The following ABCG8 variants were observed in gnomAD, a reference collection of about 807,000 sequenced individuals.
The protein encoded by ABCG8 is ATP binding cassette subfamily G member 8.
In ABCG8, 81 loss-of-function variants were observed where a neutral mutation model predicts 71.3. The ratio of observed to expected loss-of-function variants is 1.14; its 90% CI spans 0.95 to 1.37. ABCG8 has a LOEUF of 1.37. ABCG8 is among the 40% of genes most tolerant of loss of function. The probability of loss-of-function intolerance (pLI) is 0.00; values close to 1 mark genes in which losing one functional copy is unlikely to be tolerated. For missense variants in ABCG8, 1,119 were observed against 866.2 expected, an observed-to-expected ratio of 1.29 and a Z score of -3.66; for synonymous variants, 451 against 354.7, an observed-to-expected ratio of 1.27 and a Z score of -3.05.
chr2:43,864,757 T>C (rs924883062), intron 6 of ABCG8, among the ~76,000 whole-genome samples: 14 of 151,872 alleles, frequency 9.2e-5, no homozygotes, highest in Admixed American at 2.6e-4. Flanking sequence ...TCTCACCGTC[T>C]GCATGGAACT....
At chr2:43,873,356 T>C (rs1558853937) in intron 8 of ABCG8, among the ~76,000 whole-genome samples, 1 of 152,024 alleles carries the variant, frequency 6.6e-6, no homozygotes, top group Non-Finnish European at 1.5e-5. Context: ...TCCTGACTAA[T>C]TTTTTGTGTG....
rs4953027 is a variant in ABCG8 at position 43,874,255 on chromosome 2, A to G, written c.1412-152A>G. ...AAGAGCCTCATCAAACATCTAAATT[A>G]GGATGGCTTTACTGTGCCTATTTAA... On this transcript the variant is annotated intron_variant, in intron 9 of 12. Coordinates refer to ENST00000272286, the MANE Select transcript of ABCG8 (RefSeq NM_022437.3). 599,334 of 778,730 alleles carry G rather than the reference A, an allele frequency of 0.77. 232,705 individuals carry two copies. The highest frequency in any genetic ancestry group is 0.98 in the East Asian group (38,330 of 39,218). 48.2% of individuals were successfully genotyped at this position (778,730 alleles called of 1,614,324 possible).
intron 6 of ABCG8, among the ~76,000 whole-genome samples, chr2:43,865,495 C>T (rs918986038): frequency 6.6e-6 from 1 of 152,066 alleles, no homozygotes; most frequent in Non-Finnish European, 1.5e-5. Flanking sequence ...CACTATCTGT[C>T]TGGATAGAAT....
intron 6 of ABCG8, among the ~76,000 whole-genome samples, chr2:43,871,418 C>G (rs1669768269): frequency 6.6e-6 from 1 of 151,894 alleles, no homozygotes; most frequent in South Asian, 2.1e-4. Flanking sequence ...CTGGATAGAA[C>G]TGTCACTGTC....
chr2:43,876,283 C>T (rs1669956294), intron 11 of ABCG8, among the ~76,000 whole-genome samples: 1 of 152,236 alleles, frequency 6.6e-6, no homozygotes, highest in Non-Finnish European at 1.5e-5. Context: ...CCTTTTGCCT[C>T]TTGGTCTCTG....
intron 3 of ABCG8, chr2:43,847,885 C>G (rs2104914474): frequency 6.6e-6 from 1 of 151,468 alleles, no homozygotes; most frequent in Admixed American, 6.6e-5. Flanking sequence ...CTCAGCCTCC[C>G]AAGTAGCTGG....
At chr2:43,871,467 G>A (rs12329390) in intron 6 of ABCG8, among the ~76,000 whole-genome samples, 60,117 of 149,630 alleles carry the variant, frequency 0.4, 13,566 homozygotes, top group East Asian at 0.86. Flanking sequence ...TTGAACTCTC[G>A]CTATCTGGAT....
Position 43,868,871 on chromosome 2 carries a change from T to C in ABCG8, c.965-3105T>C, listed in dbSNP as rs6752551. 2.6e-5 allele frequency among the ~76,000 whole-genome samples: 4 copies of C among 151,232 alleles called. No homozygotes were observed. In the South Asian group the frequency reaches 8.4e-4, roughly 32 times the overall value. On this transcript the variant is annotated intron_variant, in intron 6 of 12. Transcript: ENST00000272286. ...AACTCTCACAATCTTTCAGATAGAA[T>C]TCTCCTCCTCTGGATAGAGCTCTCA... is the stretch of plus-strand genomic sequence containing the variant.
chr2:43,877,538 G>A, intron 11 of ABCG8, 23 bp from the exon 12 acceptor site: 1 of 1,613,230 alleles, frequency 6.2e-7, no homozygotes, highest in African/African-American at 1.3e-5. Flanking sequence ...ACACCTGTGA[G>A]TAACGCGGCT....
chr2:43,850,909 C>CAA (rs1164206598), intron 3 of ABCG8, among the ~76,000 whole-genome samples: 5 of 57,472 alleles, frequency 8.7e-5, no homozygotes, highest in East Asian at 5.2e-4. Flanking sequence ...GACTCTGTCT[C>CAA]AAAAAAAAAA....
chr2:43,842,755 C>T (rs186914446), intron 1 of ABCG8, among the ~76,000 whole-genome samples: 1 of 149,018 alleles, frequency 6.7e-6, no homozygotes, highest in East Asian at 2.1e-4. Context: ...AACCCCTCTC[C>T]TGAATTAGGT....
chr2:43,874,277 T>TAA, intron 9 of ABCG8, 130 bp from the exon 10 acceptor site: 1 of 932,308 alleles, frequency 1.1e-6, no homozygotes, highest in Non-Finnish European at 1.7e-6. Context: ...CTGTGCCTAT[T>TAA]TAAAAAAAAA....
In ABCG8 at chr2:43,873,947, C is replaced by T. The variant is rs1319057307; in HGVS notation, c.1372C>T (p.Leu458Phe). Residue 458 changes from leucine to phenylalanine, a missense_variant, in exon 9 of 13, where the codon CTC becomes TTC. Coordinates refer to ENST00000272286, the MANE Select transcript of ABCG8 (RefSeq NM_022437.3). ...TAALLFMIGA[L>F]IPFNVILDVI... ...CGCCCTCTTGTTCATGATCGGTGCT[C>T]TCATCCCTTTCAACGTCATTCTGGA... 1 of 1,614,138 alleles carries T rather than the reference C, an allele frequency of 6.2e-7. No homozygotes were observed. The highest frequency in any genetic ancestry group is 1.1e-5 in the South Asian group (1 of 91,068).
rs10609687 is a variant in ABCG8 at position 43,877,471 on chromosome 2, ACT to A, written c.1757-87_1757-86del. 424,575 of 1,593,862 alleles carry A rather than the reference ACT, an allele frequency of 0.27. 59,573 individuals carry two copies. Among genetic ancestry groups the A allele is most frequent in the Non-Finnish European group, 0.29 (333,391 of 1,165,484 alleles). ...GGGCAGACCATGGGAATATGGGGAGACTCTGTGAATATGGGGGAGACCATGCG... is the reference window on the plus strand; with the variant it reads ...GGGCAGACCATGGGAATATGGGGAGACTGTGAATATGGGGGAGACCATGCG... On this transcript the variant is annotated intron_variant, in intron 11 of 12. Coordinates refer to ENST00000272286, the MANE Select transcript of ABCG8 (RefSeq NM_022437.3).
Position 43,878,545 on chromosome 2 carries a change from A to C in ABCG8, c.*632A>C. 1 of 164,006 alleles carries C rather than the reference A, an allele frequency of 6.1e-6. No homozygotes were observed. Among genetic ancestry groups the C allele is most frequent in the Non-Finnish European group, 1.4e-5 (1 of 73,972 alleles). 10.2% of individuals were successfully genotyped at this position (164,006 alleles called of 1,614,324 possible). ...TGGTATCCCATTTTATAGGTGTGAA[A>C]ACTGAAGCAAAAATTCATTTTCCTA... On this transcript the variant is annotated 3_prime_UTR_variant, in exon 13 of 13. Coordinates refer to ENST00000272286, the MANE Select transcript of ABCG8 (RefSeq NM_022437.3).
chr2:43,862,039 A>G (rs1250935966), intron 6 of ABCG8, among the ~76,000 whole-genome samples: 3 of 151,286 alleles, frequency 2.0e-5, no homozygotes, highest in African/African-American at 7.3e-5. Flanking sequence ...TAGAATTCTC[A>G]CCATCTAGAT....
chr2:43,867,184 T>C (rs1297327048), intron 6 of ABCG8, among the ~76,000 whole-genome samples: 2 of 104,986 alleles, frequency 1.9e-5, no homozygotes, highest in Non-Finnish European at 3.6e-5. Context: ...CGTCACACTC[T>C]GGGGACTGTT....
chr2:43,852,584 C>G lies in ABCG8; in HGVS notation c.695-15C>G, dbSNP rs1558811193. ...AGCCCCACCGACTCACCAGGCTCCTCTCTGTGTTGGAAAGGAATCCTTATT... is the reference window on the plus strand; with the variant it reads ...AGCCCCACCGACTCACCAGGCTCCTGTCTGTGTTGGAAAGGAATCCTTATT... On this transcript the variant is annotated splice_polypyrimidine_tract_variant and intron_variant, in intron 5 of 12. Transcript: ENST00000272286. 1.2e-6 allele frequency: 2 copies of G among 1,611,558 alleles called. No individual in the cohort carries two copies. The highest frequency in any genetic ancestry group is 8.5e-7 in the Non-Finnish European group (1 of 1,180,004).
intron 6 of ABCG8, among the ~76,000 whole-genome samples, chr2:43,870,013 C>A (rs770887634): frequency 5.9e-5 from 9 of 151,570 alleles, no homozygotes; most frequent in Non-Finnish European, 1.2e-4. Flanking sequence ...AATTCTCACC[C>A]TCTGGATAGA....
Sources: gnomAD v4.1 joint callset for allele counts (sites outside exome capture counted in the v4.1 genomes callset) on GRCh38, gnomAD v4.1.1 for gene constraint, MANE v1.5 for transcripts, NCBI Gene and HGNC (gene_info 2026-07-23, HGNC 2026-07-21) for gene names.